The following EPHA3 variants were observed in gnomAD, a reference collection of about 807,000 sequenced individuals.
EPHA3 encodes the protein EPH receptor A3.
EPHA3 carries 42 observed loss-of-function variants against 107.1 expected under a neutral mutation model. That is an observed-to-expected ratio of 0.39 (90% CI 0.31 to 0.51). EPHA3 has a LOEUF of 0.51. Ranked by LOEUF, EPHA3 falls within the 20% of genes least tolerant of loss-of-function variation. The pLI is 0.78. For missense variants in EPHA3, 1,183 were observed against 1,211.2 expected (o/e 0.98, Z 0.35); for synonymous variants, 461 against 424.8 (o/e 1.09, Z -1.05).
chr3:89,280,114 T>C (rs1444824479), intron 3 of EPHA3, among the ~76,000 whole-genome samples: 9 of 152,058 alleles, frequency 5.9e-5, no homozygotes, highest in Non-Finnish European at 1.2e-4. Flanking sequence ...TCAAAATAGC[T>C]AGCTACAGAA....
chr3:89,162,882 A>C (rs755537157), intron 2 of EPHA3, among the ~76,000 whole-genome samples: 143 of 152,310 alleles, frequency 9.4e-4, no homozygotes, highest in Non-Finnish European at 1.4e-3. Context: ...GAAAGGGTTG[A>C]AAGCTGCAGG....
At chr3:89,466,536 C>T (rs1404210557) in intron 15 of EPHA3, among the ~76,000 whole-genome samples, 2 of 133,588 alleles carry the variant, frequency 1.5e-5, no homozygotes, top group Admixed American at 1.5e-4. Flanking sequence ...TCTTGTGGTG[C>T]GCCGTTTCTT....
intron 3 of EPHA3, among the ~76,000 whole-genome samples, chr3:89,237,554 T>C (rs745608311): frequency 3.3e-5 from 5 of 152,200 alleles, no homozygotes; most frequent in Non-Finnish European, 5.9e-5. Context: ...TGCCCTATGA[T>C]TTCAACTGAC....
intron 2 of EPHA3, among the ~76,000 whole-genome samples, chr3:89,203,678 G>A (rs1706030345): frequency 6.6e-6 from 1 of 152,078 alleles, no homozygotes; most frequent in South Asian, 2.1e-4. Flanking sequence ...TCGGGAGGCT[G>A]AGGCAGGAGA....
At chr3:89,392,865 AT>A (rs1480579223) in intron 5 of EPHA3, among the ~76,000 whole-genome samples, 2 of 152,088 alleles carry the variant, frequency 1.3e-5, no homozygotes, top group South Asian at 2.1e-4. Flanking sequence ...ACATAAAAAA[AT>A]CGATAAATTA....
At position 89,230,143 on chromosome 3, in the gene EPHA3, T is replaced by G. The variant is rs552653768; in HGVS notation, c.814+19623T>G. 8.5e-4 allele frequency among the ~76,000 whole-genome samples: 130 copies of G among 152,172 alleles called. 1 individual carries two copies. The highest frequency in any genetic ancestry group is 3.1e-3 in the African/African-American group (129 of 41,558). On this transcript the variant is annotated intron_variant, in intron 3 of 16. Coordinates refer to ENST00000336596, the MANE Select transcript of EPHA3 (RefSeq NM_005233.6). ...TGAAGAGAGGAAGACCCAGAGCAAT[T>G]AAGTAAACTCACCAAGGTCATTCCA...
chr3:89,170,063 A>G (rs1705176659), intron 2 of EPHA3, among the ~76,000 whole-genome samples: 1 of 151,950 alleles, frequency 6.6e-6, no homozygotes, highest in Non-Finnish European at 1.5e-5. Context: ...CCTGGCTAAC[A>G]CGTTGAAATC....
intron 5 of EPHA3, among the ~76,000 whole-genome samples, chr3:89,370,986 G>A (rs1356124814): frequency 2.0e-5 from 3 of 151,558 alleles, no homozygotes; most frequent in South Asian, 2.1e-4. Flanking sequence ...TATAAAGTAA[G>A]AAAATAAAAG....
chr3:89,143,810 T>C (rs767079536), intron 2 of EPHA3, among the ~76,000 whole-genome samples: 1 of 151,630 alleles, frequency 6.6e-6, no homozygotes, highest in Non-Finnish European at 1.5e-5. Flanking sequence ...CAATCCAGGG[T>C]ATCACATTGC....
intron 3 of EPHA3, among the ~76,000 whole-genome samples, chr3:89,261,268 C>T (rs796592598): frequency 2.2e-4 from 34 of 152,292 alleles, no homozygotes; most frequent in African/African-American, 7.7e-4. Context: ...AAAAGTCACT[C>T]GTGCCTCAGA....
intron 3 of EPHA3, among the ~76,000 whole-genome samples, chr3:89,339,806 C>T (rs1707476686): frequency 6.6e-6 from 1 of 152,090 alleles, no homozygotes; most frequent in African/African-American, 2.4e-5. Flanking sequence ...TATATAAGTT[C>T]TGTAAATCAT....
intron 13 of EPHA3, among the ~76,000 whole-genome samples, chr3:89,448,413 C>A (rs1011301245): frequency 6.6e-6 from 1 of 152,158 alleles, no homozygotes; most frequent in Non-Finnish European, 1.5e-5. Flanking sequence ...TGTTATTTAT[C>A]AGTTTCACCC....
intron 8 of EPHA3, 78 bp from the exon 9 acceptor site, chr3:89,407,989 G>A: frequency 7.7e-7 from 1 of 1,304,884 alleles, no homozygotes; most frequent in Non-Finnish European, 1.1e-6. Flanking sequence ...TTATTTTTAT[G>A]CTTTGCACAT....
At chr3:89,390,954 G>A (rs141554396) in intron 5 of EPHA3, among the ~76,000 whole-genome samples, 373 of 151,348 alleles carry the variant, frequency 2.5e-3, no homozygotes, top group African/African-American at 8.6e-3. Context: ...CATCTGGCTC[G>A]TTTTTTTGTA....
rs561669477 is a variant in EPHA3, at chr3:89,297,495, A to G, written c.815-43421A>G. On this transcript the variant is annotated intron_variant, in intron 3 of 16. Coordinates refer to ENST00000336596, the MANE Select transcript of EPHA3 (RefSeq NM_005233.6). ...TTGCCATCTTTTATGGGCATGGTTC[A>G]TGCTATCCCAAAACAATTACAAAAA... Among the ~76,000 whole-genome samples the G allele has an allele frequency of 1.5e-3, 232 of 152,320 alleles. 1 individual carries two copies. The highest frequency in any genetic ancestry group is 2.6e-3 in the Non-Finnish European group (179 of 68,032).
In EPHA3 at chr3:89,210,038, T is replaced by G. The variant is rs561025059; in HGVS notation, c.332T>G (p.Leu111Trp). The change falls in exon 3 of 17, where the codon TTG (leucine) becomes TGG (tryptophan). Residue 111 changes from leucine (L) to tryptophan (W), a missense_variant. Transcript: ENST00000336596. ...CTACGAGACTGCAATAGCATTCCAT[T>G]GGTTTTAGGAACTTGCAAGGAGACA... The part of the protein sequence containing the change: ...FTLRDCNSIP[L>W]VLGTCKETFN... 5 of 1,614,034 alleles carry G rather than the reference T, an allele frequency of 3.1e-6. No individual in the cohort carries two copies. In the South Asian group the frequency reaches 4.4e-5, roughly 14 times the overall value.
At chr3:89,265,284 C>G (rs1383731511) in intron 3 of EPHA3, among the ~76,000 whole-genome samples, 5 of 152,002 alleles carry the variant, frequency 3.3e-5, no homozygotes, top group Non-Finnish European at 7.4e-5. Context: ...AGAGATGCAT[C>G]AAGAAAAATG....
intron 3 of EPHA3, among the ~76,000 whole-genome samples, chr3:89,319,422 G>T (rs1464513604): frequency 6.6e-6 from 1 of 151,922 alleles, no homozygotes; most frequent in Admixed American, 6.6e-5. Flanking sequence ...AGGATATATA[G>T]GACATAATTC....
At chr3:89,165,930 G>A (rs889317626) in intron 2 of EPHA3, among the ~76,000 whole-genome samples, 6 of 152,096 alleles carry the variant, frequency 3.9e-5, no homozygotes, top group Non-Finnish European at 7.4e-5. Flanking sequence ...CTCTTCAAGC[G>A]CCGTTCACCC....
Sources: gnomAD v4.1 joint callset for allele counts (sites outside exome capture counted in the v4.1 genomes callset) on GRCh38, gnomAD v4.1.1 for gene constraint, MANE v1.5 for transcripts, NCBI Gene and HGNC (gene_info 2026-07-23, HGNC 2026-07-21) for gene names.